The following CKMT1B variants were observed in gnomAD, a reference collection of about 807,000 sequenced individuals.
The protein encoded by CKMT1B is creatine kinase, mitochondrial 1B.
Under a neutral mutation model 21.8 loss-of-function variants are expected in CKMT1B, and 13 were observed. The ratio of observed to expected loss-of-function variants is 0.60; its 90% CI spans 0.39 to 0.95. CKMT1B has a LOEUF of 0.95. Ranked by LOEUF, CKMT1B falls within the 40% of genes least tolerant of loss-of-function variation. CKMT1B has a pLI of 0.00. For synonymous variants in CKMT1B, 50 were observed against 80.3 expected (o/e 0.62, Z 2.02); for missense variants, 157 against 227.5 (o/e 0.69, Z 1.99).
At chr15:43,598,109 T>G in intron 6 of CKMT1B, 84 bp from the exon 7 acceptor site, 1 of 1,568,720 alleles carries the variant, frequency 6.4e-7, no homozygotes, top group Non-Finnish European at 8.6e-7. Flanking sequence ...ATATTTCTAG[T>G]GTTCTTGTGG....
upstream of CKMT1B, chr15:43,592,935 C>T (rs149445565): frequency 0.14 from 20,133 of 144,558 alleles, 30 homozygotes; most frequent in East Asian, 0.25. Flanking sequence ...CCTTTGTACA[C>T]CACTCGCCTT....
intron 6 of CKMT1B, among the ~76,000 whole-genome samples, chr15:43,596,853 G>A (rs941268863): frequency 6.7e-5 from 10 of 149,282 alleles, no homozygotes; most frequent in Non-Finnish European, 1.5e-4. Context: ...GGATGGTGAG[G>A]TGTGCAGATA....
At chr15:43,596,954 G>C (rs1204075675) in intron 6 of CKMT1B, among the ~76,000 whole-genome samples, 1 of 148,286 alleles carries the variant, frequency 6.7e-6, no homozygotes. Context: ...AGACAAGGTA[G>C]GCCTTGACTC....
In CKMT1B at chr15:43,598,345, T is replaced by C. The variant is rs1246459657; in HGVS notation, c.1011+18T>C. Reference sequence around the variant, plus strand: ...TAAGCAAAGTAAAGGAGTTGTGGGGTTACAGAGGGGTGTGAGTAAGGAAGG... The same window carrying C: ...TAAGCAAAGTAAAGGAGTTGTGGGGCTACAGAGGGGTGTGAGTAAGGAAGG... On this transcript the variant is annotated intron_variant, in intron 7 of 8. Coordinates refer to ENST00000441322, the MANE Select transcript of CKMT1B (RefSeq NM_001375484.1). The C allele has an allele frequency of 6.3e-7, 1 of 1,596,818 alleles. No individual in the cohort carries two copies.
rs745563541 is a variant in CKMT1B, at chr15:43,599,246, C to T, written c.1227C>T (p.Pro409=). The change falls in exon 9 of 9, where the codon CCC becomes CCT. Residue 409 remains proline, a synonymous_variant. Transcript: ENST00000441322. ...RLERGQDIRI[P]TPVIHTKH ...AGAGAGGCCAGGATATCCGCATCCC[C>T]ACACCTGTCATCCACACCAAGCATT... 1.2e-6 allele frequency: 2 copies of T among 1,613,608 alleles called. No homozygotes were observed. Among genetic ancestry groups the T allele is most frequent in the East Asian group, 2.2e-5 (1 of 44,848 alleles).
Position 43,598,948 on chromosome 15 carries a change from CAG to C in CKMT1B, c.1136_1137del (p.Glu379GlyfsTer16), listed in dbSNP as rs1595955169. ...TCTAATTTGGACCGACTAGGCAAAT[CAG>C]AGGTGAGATCCTAAGGGATTAGGAC... On this transcript the variant is annotated frameshift_variant and splice_region_variant, in exon 8 of 9. Transcript: ENST00000441322. LOFTEE classifies it high-confidence loss of function. 5 of 1,610,864 alleles carry C rather than the reference CAG, an allele frequency of 3.1e-6. No homozygotes were observed. The East Asian group carries it at 1.1e-4, about 36-fold the overall frequency.
intron 6 of CKMT1B, 184 bp downstream of exon 6, chr15:43,596,715 A>T (rs2085575319): frequency 1.1e-6 from 1 of 880,058 alleles, no homozygotes; most frequent in Non-Finnish European, 1.7e-6. Context: ...AAACCAGGAC[A>T]TGTGGTCACA....
chr15:43,596,608 A>G, intron 6 of CKMT1B, 77 bp downstream of exon 6: 1 of 1,599,850 alleles, frequency 6.3e-7, no homozygotes, highest in Non-Finnish European at 8.5e-7. Flanking sequence ...AGATTATGTA[A>G]TTTACCAACC....
intron 8 of CKMT1B, 28 bp downstream of exon 8, chr15:43,598,980 A>G: frequency 6.2e-7 from 1 of 1,610,976 alleles, no homozygotes; most frequent in Non-Finnish European, 8.5e-7. Flanking sequence ...TAGGACAAGG[A>G]GAGGTATAGG....
Position 43,598,184 on chromosome 15 carries a change from T to G in CKMT1B, c.877-9T>G. 3 of 1,608,980 alleles carry G rather than the reference T, an allele frequency of 1.9e-6. No individual in the cohort carries two copies. The South Asian group carries it at 3.3e-5, about 18-fold the overall frequency. The stretch of plus-strand genomic sequence containing the variant: ...TGATTTTTCGTTAACAAAACCTTTG[T>G]GGACTCAGGTGGAGAGACTTATCCA... On this transcript the variant is annotated splice_polypyrimidine_tract_variant and intron_variant, in intron 6 of 8. Coordinates refer to ENST00000441322, the MANE Select transcript of CKMT1B (RefSeq NM_001375484.1).
chr15:43,598,690 A>C, intron 7 of CKMT1B, 137 bp from the exon 8 acceptor site: 4 of 1,310,858 alleles, frequency 3.1e-6, no homozygotes, highest in Non-Finnish European at 3.0e-6. Context: ...CCCTGTCTAA[A>C]AAAAATTAAA....
chr15:43,597,927 C>T, intron 6 of CKMT1B: 2 of 1,363,014 alleles, frequency 1.5e-6, no homozygotes, highest in East Asian at 3.1e-5. Flanking sequence ...CTAGATCATC[C>T]TTAATACACC....
chr15:43,598,936 G>C lies in CKMT1B; in HGVS notation c.1121G>C (p.Arg374Pro). 6.2e-7 allele frequency: 1 copy of C among 1,610,816 alleles called. No individual in the cohort carries two copies. Among genetic ancestry groups the C allele is most frequent in the Non-Finnish European group, 8.5e-7 (1 of 1,179,642 alleles). Residue 374 changes from arginine to proline, a missense_variant, in exon 8 of 9, where the codon CGA becomes CCA. Physicochemically the swap from Arg to Pro is moderately radical, Grantham distance 103. Transcript: ENST00000441322. ...GTCTTTGATATTTCTAATTTGGACC[G>C]ACTAGGCAAATCAGAGGTGAGATCC... ...GGVFDISNLD[R>P]LGKSEVELVQ... is the part of the protein sequence containing the mutation.
chr15:43,597,549 T>A, intron 6 of CKMT1B: 2 of 1,125,706 alleles, frequency 1.8e-6, no homozygotes, highest in Non-Finnish European at 2.3e-6. Flanking sequence ...AGAGGATCCC[T>A]TTACTCATGT....
chr15:43,598,381 G>A, intron 7 of CKMT1B, 54 bp downstream of exon 7: 1 of 1,597,148 alleles, frequency 6.3e-7, no homozygotes, highest in Non-Finnish European at 8.5e-7. Flanking sequence ...GTGGGTTGTG[G>A]ATGGGGAGGG....
At chr15:43,597,770 C>T (rs2141510130) in intron 6 of CKMT1B, 1 of 998,426 alleles carries the variant, frequency 1.0e-6, no homozygotes. Flanking sequence ...CTTACCTCTT[C>T]CTGGCAAAGC....
rs1471886708 is a variant in CKMT1B, at chr15:43,599,241, A to T, written c.1222A>T (p.Ile408Phe). The change falls in exon 9 of 9, where the codon ATC (isoleucine) becomes TTC (phenylalanine). Residue 408 changes from isoleucine to phenylalanine, a missense_variant. By Grantham distance (21) the Ile-to-Phe change is conservative. Transcript: ENST00000441322. The part of the protein sequence containing the change: ...RRLERGQDIR[I>F]PTPVIHTKH ...TCTGGAGAGAGGCCAGGATATCCGC[A>T]TCCCCACACCTGTCATCCACACCAA... 1.2e-6 allele frequency: 2 copies of T among 1,613,532 alleles called. No homozygotes were observed. Among genetic ancestry groups the T allele is most frequent in the Non-Finnish European group, 1.7e-6 (2 of 1,179,824 alleles).
intron 7 of CKMT1B, among the ~76,000 whole-genome samples, 166 bp from the exon 8 acceptor site, chr15:43,598,661 C>T (rs2085621822): frequency 6.8e-6 from 1 of 147,090 alleles, no homozygotes; most frequent in Admixed American, 6.7e-5. Context: ...ATCACTCCAG[C>T]CTGGGTGACA....
rs1437247167 is a variant in CKMT1B at position 43,596,296 on chromosome 15, T to C, written c.752+4T>C. ...GGCCAGATGCTCGTGGAATTTGGTATGAAGCTGCTCATTACCTCTTTTGTC... is the reference window on the plus strand; with the variant it reads ...GGCCAGATGCTCGTGGAATTTGGTACGAAGCTGCTCATTACCTCTTTTGTC... On this transcript the variant is annotated splice_donor_region_variant and intron_variant, in intron 5 of 8. Coordinates refer to ENST00000441322, the MANE Select transcript of CKMT1B (RefSeq NM_001375484.1). 2 of 853,132 alleles carry C rather than the reference T, an allele frequency of 2.3e-6. No individual in the cohort carries two copies. The highest frequency in any genetic ancestry group is 3.4e-6 in the Non-Finnish European group (2 of 580,226). The allele number at this position is 853,132 out of a possible 1,614,324, so 52.8% of individuals were successfully genotyped here. A position where few individuals can be genotyped will look rare whatever the true frequency, so the allele number is the denominator to read the frequency against.
Sources: allele counts gnomAD v4.1 joint callset (sites outside exome capture counted in the v4.1 genomes callset), GRCh38; gene constraint gnomAD v4.1.1; transcripts MANE v1.5; gene names NCBI Gene and HGNC (gene_info 2026-07-23, HGNC 2026-07-21).